MAP2K3: variants seen among roughly 807,000 people sequenced by gnomAD.
MAP2K3 encodes the protein dual specificity mitogen-activated protein kinase kinase 3.
MAP2K3 carries 30 observed loss-of-function variants against 46.4 expected under a neutral mutation model. The ratio of observed to expected loss-of-function variants is 0.65; its 90% CI spans 0.48 to 0.88. The LOEUF is 0.88. Ranked by LOEUF, MAP2K3 falls within the 40% of genes least tolerant of loss-of-function variation. The pLI is 0.00. For missense variants in MAP2K3, 380 were observed against 464.5 expected, an observed-to-expected ratio of 0.82 and a Z score of 1.67; for synonymous variants, 189 against 176.3, an observed-to-expected ratio of 1.07 and a Z score of -0.57.
chr17:21,306,662 T>A (rs1976903704), intron 9 of MAP2K3, among the ~76,000 whole-genome samples: 1 of 152,228 alleles, frequency 6.6e-6, no homozygotes, highest in Admixed American at 6.5e-5. Flanking sequence ...TTTGTATTTT[T>A]AGTGGAGATG....
intron 9 of MAP2K3, among the ~76,000 whole-genome samples, chr17:21,306,111 C>T (rs548543856): frequency 2.1e-4 from 32 of 152,344 alleles, no homozygotes; most frequent in South Asian, 8.3e-4. Context: ...CAGTTCCGTT[C>T]GGTTCTGATG....
At position 21,300,981 on chromosome 17, in the gene MAP2K3, A is replaced by G. The variant is rs755841304; in HGVS notation, c.387A>G (p.Ala129=). ...TCTACACTGTCACCTTCTACGGGGC[A>G]CTATTCAGAGAGGTGCGTCCTTGCA... The part of the protein sequence containing the change: ...DCFYTVTFYG[A]LFREGDVWIC... Residue 129 remains alanine, a synonymous_variant, in exon 5 of 12, where the codon GCA becomes GCG. Coordinates refer to ENST00000342679, the MANE Select transcript of MAP2K3 (RefSeq NM_145109.3). The G allele has an allele frequency of 1.9e-6, 3 of 1,614,070 alleles. No individual in the cohort carries two copies. The highest frequency in any genetic ancestry group is 2.2e-5 in the East Asian group (1 of 44,906).
At chr17:21,286,468 A>G (rs542963423) in intron 1 of MAP2K3, among the ~76,000 whole-genome samples, 7 of 152,238 alleles carry the variant, frequency 4.6e-5, no homozygotes, top group Admixed American at 4.6e-4. Context: ...GGTGGGCTGG[A>G]TAATTATGCC....
chr17:21,307,845 CTTTT>C (rs35690616), intron 9 of MAP2K3, among the ~76,000 whole-genome samples: 84 of 104,718 alleles, frequency 8.0e-4, no homozygotes, highest in African/African-American at 2.9e-3. Flanking sequence ...GCCCGGCTAT[CTTTT>C]TTTTTTTTTT....
At chr17:21,298,519 G>A in intron 2 of MAP2K3, 40 bp downstream of exon 2, 3 of 1,614,246 alleles carry the variant, frequency 1.9e-6, no homozygotes, top group Non-Finnish European at 1.7e-6. Context: ...ACCCTGGAGA[G>A]GCTTCCCGAA....
intron 1 of MAP2K3, among the ~76,000 whole-genome samples, chr17:21,286,351 G>A (rs1401722314): frequency 6.6e-6 from 1 of 152,266 alleles, no homozygotes; most frequent in Non-Finnish European, 1.5e-5. Flanking sequence ...GGGGTCAGCC[G>A]CTCTTCTGTT....
intron 2 of MAP2K3, among the ~76,000 whole-genome samples, 172 bp downstream of exon 2, chr17:21,298,651 A>G (rs915891594): frequency 6.6e-6 from 1 of 152,308 alleles, no homozygotes; most frequent in East Asian, 1.9e-4. Flanking sequence ...ATGCAGCACC[A>G]TTTGCTCTGC....
chr17:21,308,897 T>G (rs1395794310), intron 9 of MAP2K3, among the ~76,000 whole-genome samples: 1 of 152,286 alleles, frequency 6.6e-6, no homozygotes, highest in Non-Finnish European at 1.5e-5. Flanking sequence ...CTTGGACAAG[T>G]GTGTGCTAAG....
At chr17:21,301,994 G>A (rs1976627802) in intron 5 of MAP2K3, 149 bp from the exon 6 acceptor site, 1 of 772,974 alleles carries the variant, frequency 1.3e-6, no homozygotes, top group African/African-American at 1.7e-5. Context: ...CAAGTGGGTG[G>A]TGGGTGGGAG....
At position 21,314,709 on chromosome 17, in the gene MAP2K3, G is replaced by T. The variant is rs903896083; in HGVS notation, c.*479G>T. Reference sequence around the variant, plus strand: ...CTTTGGTGCGGGGTACACAAGAGGGGATGAGTTGTGTGAATACCCCAAGAC... The same window carrying T: ...CTTTGGTGCGGGGTACACAAGAGGGTATGAGTTGTGTGAATACCCCAAGAC... On this transcript the variant is annotated 3_prime_UTR_variant, in exon 12 of 12. Coordinates refer to ENST00000342679, the MANE Select transcript of MAP2K3 (RefSeq NM_145109.3). 3 of 163,744 alleles carry T rather than the reference G, an allele frequency of 1.8e-5. No homozygotes were observed. The highest frequency in any genetic ancestry group is 7.2e-5 in the African/African-American group (3 of 41,700). 10.1% of individuals were successfully genotyped at this position (163,744 alleles called of 1,614,324 possible).
intron 3 of MAP2K3, 60 bp from the exon 4 acceptor site, chr17:21,300,485 C>T: frequency 1.2e-5 from 19 of 1,529,258 alleles, no homozygotes; most frequent in East Asian, 2.4e-5. Context: ...CTCCACTGGG[C>T]ATGGGGTGAG....
intron 9 of MAP2K3, among the ~76,000 whole-genome samples, chr17:21,307,209 G>A (rs1407431716): frequency 6.6e-6 from 1 of 152,302 alleles, no homozygotes; most frequent in African/African-American, 2.4e-5. Context: ...ATCTGAGGCT[G>A]TCTAGGGGCC....
At chr17:21,310,792 C>T (rs1977124483) in intron 9 of MAP2K3, among the ~76,000 whole-genome samples, 1 of 152,266 alleles carries the variant, frequency 6.6e-6, no homozygotes, top group Admixed American at 6.5e-5. Context: ...TTAGTATTTC[C>T]TGGCAGAAAA....
In MAP2K3 at chr17:21,284,731, C is replaced by T; in HGVS notation, c.-190C>T. ...TGCCCAGTCTGTCTCCGGCGCCGCC[C>T]GTCGCGGACTCGTCCTTGCTGCAGT... is the stretch of plus-strand genomic sequence containing the variant. On this transcript the variant is annotated 5_prime_UTR_variant, in exon 1 of 12. Coordinates refer to ENST00000342679, the MANE Select transcript of MAP2K3 (RefSeq NM_145109.3). 1 of 527,832 alleles carries T rather than the reference C, an allele frequency of 1.9e-6. No homozygotes were observed. Among genetic ancestry groups the T allele is most frequent in the Non-Finnish European group, 3.2e-6 (1 of 313,748 alleles). 32.7% of individuals were successfully genotyped at this position (527,832 alleles called of 1,614,324 possible). A position where few individuals can be genotyped will look rare whatever the true frequency, so the allele number is the denominator to read the frequency against.
At chr17:21,307,615 G>A (rs1477169928) in intron 9 of MAP2K3, among the ~76,000 whole-genome samples, 1 of 152,262 alleles carries the variant, frequency 6.6e-6, no homozygotes, top group Admixed American at 6.5e-5. Flanking sequence ...CAGGTGTTGT[G>A]GGTTTTACTG....
At position 21,298,966 on chromosome 17, in the gene MAP2K3, A is replaced by ACCTGAC. The variant is rs770168341; in HGVS notation, c.165+41_165+46dup. On this transcript the variant is annotated intron_variant, in intron 3 of 11. Coordinates refer to ENST00000342679, the MANE Select transcript of MAP2K3 (RefSeq NM_145109.3). ...CCACCCCTGCAGGGCCTCTCACTTC[A>ACCTGAC]CCTGACGAGCGGGTAGAGCTGACCC... 110 of 1,613,208 alleles carry ACCTGAC rather than the reference A, an allele frequency of 6.8e-5. No individual in the cohort carries two copies. In the African/African-American group the frequency reaches 1.3e-3, roughly 19 times the overall value.
intron 1 of MAP2K3, chr17:21,287,963 C>T (rs1187681353): frequency 8.3e-7 from 1 of 1,209,006 alleles, no homozygotes; most frequent in Non-Finnish European, 1.1e-6. Flanking sequence ...ACCTCGGGGA[C>T]TTCCCCCACC....
At chr17:21,291,173 G>A (rs1474759081) in intron 1 of MAP2K3, among the ~76,000 whole-genome samples, 3 of 152,410 alleles carry the variant, frequency 2.0e-5, no homozygotes, top group Admixed American at 2.0e-4. Flanking sequence ...GAACCCGGGA[G>A]GCGGAGCTTG....
intron 1 of MAP2K3, 191 bp from the exon 2 acceptor site, chr17:21,298,222 T>C: frequency 1.2e-6 from 1 of 827,516 alleles, no homozygotes; most frequent in Non-Finnish European, 2.1e-6. Flanking sequence ...CCTGCTCTGC[T>C]CCCCTGCAGG....
Sources: gnomAD v4.1 joint callset for allele counts (sites outside exome capture counted in the v4.1 genomes callset) on GRCh38, gnomAD v4.1.1 for gene constraint, MANE v1.5 for transcripts, NCBI Gene and HGNC (gene_info 2026-07-23, HGNC 2026-07-21) for gene names.